The following LYPLA1 variants were observed in gnomAD, a reference collection of about 807,000 sequenced individuals.
LYPLA1 encodes acyl-protein thioesterase 1.
A neutral mutation model predicts 34.0 loss-of-function variants in LYPLA1; 17 were observed. The ratio of observed to expected loss-of-function variants is 0.50; its 90% CI spans 0.34 to 0.75. LYPLA1 has a LOEUF of 0.75. Among genes scored for constraint, LYPLA1 ranks in the 30% least tolerant of loss-of-function variants. LYPLA1 has a pLI of 0.01. For missense variants in LYPLA1, 203 were observed against 288.8 expected (o/e 0.70, Z 2.15); for synonymous variants, 98 against 100.8 (o/e 0.97, Z 0.17).
intron 2 of LYPLA1, among the ~76,000 whole-genome samples, chr8:54,085,811 G>A (rs962046455): frequency 2.0e-4 from 29 of 143,780 alleles, no homozygotes; most frequent in African/African-American, 6.1e-4. Context: ...GCGAGGTGGG[G>A]GGGGGGCAGC....
At position 54,053,735 on chromosome 8, in the gene LYPLA1, A is replaced by T; in HGVS notation, c.361-979T>A. On this transcript the variant is annotated intron_variant, in intron 6 of 8. Coordinates refer to ENST00000316963, the MANE Select transcript of LYPLA1 (RefSeq NM_006330.4). ...CAAAAGCCAAGATGGCCAATTGTTT[A>T]TGGAAAGGTAAATGAAACAGACAAG... is the stretch of plus-strand genomic sequence containing the variant. 2.0e-5 allele frequency: 9 copies of T among 456,260 alleles called. 1 individual carries two copies. Among genetic ancestry groups the T allele is most frequent in the South Asian group, 1.4e-4 (9 of 64,572 alleles). The allele number at this position is 456,260 out of a possible 1,614,324, so 28.3% of individuals were successfully genotyped here. A position where few individuals can be genotyped will look rare whatever the true frequency, so the allele number is the denominator to read the frequency against.
intron 2 of LYPLA1, among the ~76,000 whole-genome samples, chr8:54,075,134 C>T (rs1383629794): frequency 6.6e-6 from 1 of 152,212 alleles, no homozygotes; most frequent in Non-Finnish European, 1.5e-5. Flanking sequence ...CCCACAGATG[C>T]AACTGAACCT....
chr8:54,065,233 C>T (rs1215552915), intron 3 of LYPLA1, among the ~76,000 whole-genome samples: 5 of 152,042 alleles, frequency 3.3e-5, no homozygotes, highest in East Asian at 1.9e-4. Context: ...CAAGGCAGGT[C>T]GATCACTTGA....
rs202089269 is a variant in LYPLA1, at chr8:54,055,122, T to C, written c.298A>G (p.Ile100Val). 2.5e-6 allele frequency: 4 copies of C among 1,604,610 alleles called. No individual in the cohort carries two copies. The East Asian group carries it at 6.7e-5, about 27-fold the overall frequency. The part of the protein sequence containing the change: ...KQAAENIKAL[I>V]DQEVKNGIPS... Reference sequence around the variant, plus strand: ...ATGCCATTCTTCACTTCTTGATCAATCAAAGCTTTTACTAAAAACAACATG... The same window carrying C: ...ATGCCATTCTTCACTTCTTGATCAACCAAAGCTTTTACTAAAAACAACATG... The change falls in exon 6 of 9, where the codon ATT becomes GTT. Residue 100 changes from isoleucine to valine, a missense_variant. Ile to Val is a conservative substitution (Grantham distance 29). Coordinates refer to ENST00000316963, the MANE Select transcript of LYPLA1 (RefSeq NM_006330.4).
Position 54,063,888 on chromosome 8 carries a change from G to C in LYPLA1, c.168-513C>G, listed in dbSNP as rs139841538. On this transcript the variant is annotated intron_variant, in intron 3 of 8. Coordinates refer to ENST00000316963, the MANE Select transcript of LYPLA1 (RefSeq NM_006330.4). ...TAAGTGTCCATTATAGCCAATTCAAGTCTGTGATTAAAAATATGCTAGATA... is the reference window on the plus strand; with the variant it reads ...TAAGTGTCCATTATAGCCAATTCAACTCTGTGATTAAAAATATGCTAGATA... 7.0e-3 allele frequency among the ~76,000 whole-genome samples: 1,073 copies of C among 152,232 alleles called. 19 individuals carry two copies. The highest frequency in any genetic ancestry group is 0.021 in the African/African-American group (866 of 41,538).
At chr8:54,094,703 C>CT (rs1314541626) in intron 2 of LYPLA1, among the ~76,000 whole-genome samples, 5 of 152,094 alleles carry the variant, frequency 3.3e-5, no homozygotes, top group African/African-American at 1.2e-4. Context: ...GGAAAAATGG[C>CT]TGAGTCCAGG....
intron 3 of LYPLA1, among the ~76,000 whole-genome samples, chr8:54,063,955 A>G (rs776550698): frequency 1.3e-5 from 2 of 152,286 alleles, no homozygotes; most frequent in South Asian, 2.1e-4. Context: ...AAATAAGCAC[A>G]CTCTAACTAC....
At chr8:54,073,588 C>G (rs1018560346) in intron 2 of LYPLA1, 2 of 556,744 alleles carry the variant, frequency 3.6e-6, no homozygotes, top group African/African-American at 3.8e-5. Flanking sequence ...GACCTATTTA[C>G]AGAAGTATAA....
intron 2 of LYPLA1, among the ~76,000 whole-genome samples, chr8:54,095,999 C>A (rs1404937392): frequency 6.6e-6 from 1 of 152,170 alleles, no homozygotes; most frequent in Admixed American, 6.5e-5. Flanking sequence ...TGGCTCAAAT[C>A]AATGAAATGT....
At chr8:54,096,968 A>C (rs974048264) in intron 2 of LYPLA1, among the ~76,000 whole-genome samples, 2 of 152,138 alleles carry the variant, frequency 1.3e-5, no homozygotes, top group African/African-American at 4.8e-5. Context: ...ATACTAACTA[A>C]ATGGGGAGTA....
At chr8:54,075,268 G>A (rs963875516) in intron 2 of LYPLA1, among the ~76,000 whole-genome samples, 4 of 152,220 alleles carry the variant, frequency 2.6e-5, no homozygotes, top group East Asian at 1.9e-4. Flanking sequence ...GGAGAGATCC[G>A]ATTACAAAAA....
chr8:54,054,985 A>T (rs996529030), intron 6 of LYPLA1, 75 bp downstream of exon 6: 1 of 875,064 alleles, frequency 1.1e-6, no homozygotes, highest in African/African-American at 1.7e-5. Flanking sequence ...AGACTACTCT[A>T]TAGAAAGGAT....
At chr8:54,056,130 C>G (rs1806190946) in intron 5 of LYPLA1, among the ~76,000 whole-genome samples, 1 of 152,078 alleles carries the variant, frequency 6.6e-6, no homozygotes, top group Non-Finnish European at 1.5e-5. Flanking sequence ...AACCCAGAAA[C>G]AAATCTATAC....
chr8:54,070,766 C>T (rs1165451801), intron 2 of LYPLA1, among the ~76,000 whole-genome samples: 2 of 152,048 alleles, frequency 1.3e-5, no homozygotes, highest in African/African-American at 2.4e-5. Context: ...AGCCATACAA[C>T]GGAGTATGAT....
At chr8:54,072,144 C>T (rs1406292860) in intron 2 of LYPLA1, among the ~76,000 whole-genome samples, 1 of 152,154 alleles carries the variant, frequency 6.6e-6, no homozygotes, top group East Asian at 1.9e-4. Context: ...AAAAAGGACT[C>T]CCCAGTCAAT....
In LYPLA1 at chr8:54,101,846, A is replaced by T. The variant is rs752527680; in HGVS notation, c.-23T>A. The T allele has an allele frequency of 1.9e-5, 23 of 1,240,604 alleles. No homozygotes were observed. In the South Asian group the frequency reaches 7.5e-4, roughly 41 times the overall value. 76.8% of individuals were successfully genotyped at this position (1,240,604 alleles called of 1,614,324 possible). A position where few individuals can be genotyped will look rare whatever the true frequency, so the allele number is the denominator to read the frequency against. Reference sequence around the variant, plus strand: ...CATACACCGCCTCAGCTCACAGCGCAAGCGGAAGGAAGAGCGGGCGCCCGG... The same window carrying T: ...CATACACCGCCTCAGCTCACAGCGCTAGCGGAAGGAAGAGCGGGCGCCCGG... On this transcript the variant is annotated 5_prime_UTR_variant, in exon 1 of 9. Coordinates refer to ENST00000316963, the MANE Select transcript of LYPLA1 (RefSeq NM_006330.4).
At position 54,047,868 on chromosome 8, in the gene LYPLA1, T is replaced by C. The variant is rs937822946; in HGVS notation, c.*197A>G. ...ATATAGTAGATCCTGGGTCGTCTTA[T>C]AAGAATACATGTATAGAAACTTAAA... On this transcript the variant is annotated 3_prime_UTR_variant, in exon 9 of 9. Coordinates refer to ENST00000316963, the MANE Select transcript of LYPLA1 (RefSeq NM_006330.4). The C allele has an allele frequency of 2.3e-6, 1 of 433,314 alleles. No individual in the cohort carries two copies. 26.8% of individuals were successfully genotyped at this position (433,314 alleles called of 1,614,324 possible).
At chr8:54,079,882 A>C (rs1431529083) in intron 2 of LYPLA1, among the ~76,000 whole-genome samples, 2 of 152,128 alleles carry the variant, frequency 1.3e-5, no homozygotes, top group Non-Finnish European at 2.9e-5. Context: ...ACATTATAAA[A>C]TGTTTTCCAT....
At chr8:54,085,781 C>CGG (rs1563648033) in intron 2 of LYPLA1, among the ~76,000 whole-genome samples, 1,204 of 4,634 alleles carry the variant, frequency 0.26, 24 homozygotes, top group African/African-American at 0.38. Flanking sequence ...CAGCCCCCAC[C>CGG]CCGGCCAGCC....
Sources: gnomAD v4.1 joint callset for allele counts (sites outside exome capture counted in the v4.1 genomes callset) on GRCh38, gnomAD v4.1.1 for gene constraint, MANE v1.5 for transcripts, NCBI Gene and HGNC (gene_info 2026-07-23, HGNC 2026-07-21) for gene names.